PIK3CG: variants seen among roughly 807,000 people sequenced by gnomAD.
PIK3CG encodes the protein phosphatidylinositol 4,5-bisphosphate 3-kinase catalytic subunit gamma isoform.
Under a neutral mutation model 102.3 loss-of-function variants are expected in PIK3CG, and 55 were observed. The ratio of observed to expected loss-of-function variants is 0.54; its 90% confidence interval spans 0.43 to 0.67. The LOEUF (loss-of-function observed/expected upper bound fraction) is 0.67, where lower values mean the gene tolerates loss of function less well. PIK3CG is among the 30% of genes least tolerant of loss of function. PIK3CG has a pLI of 0.00. For synonymous variants in PIK3CG, 552 were observed against 540.0 expected (o/e 1.02, Z -0.31); for missense variants, 1,258 against 1,391.8 (o/e 0.90, Z 1.53).
At position 106,897,008 on chromosome 7, in the gene PIK3CG, T is replaced by C. The variant is rs996250859; in HGVS notation, c.3031-8101T>C. 2.6e-5 allele frequency among the ~76,000 whole-genome samples: 4 copies of C among 152,210 alleles called. No homozygotes were observed. The highest frequency in any genetic ancestry group is 5.9e-5 in the Non-Finnish European group (4 of 68,038). ...TTTGTCCTATAAATTTATATTCTTT[T>C]TTCTATATAAATATTTTGTGTTAAT... is the stretch of plus-strand genomic sequence containing the variant. On this transcript the variant is annotated intron_variant, in intron 10 of 10. Transcript: ENST00000496166. This position sits in a 1 kb window ranked among gnomAD's most constrained non-coding sequence, Gnocchi z 4.6.
intron 10 of PIK3CG, among the ~76,000 whole-genome samples, chr7:106,888,123 TAG>T (rs1211340468): frequency 6.6e-6 from 1 of 151,904 alleles, no homozygotes; most frequent in Non-Finnish European, 1.5e-5. Flanking sequence ...GTATTTTTAG[TAG>T]AGACAGGGTT....
In PIK3CG at chr7:106,893,355, C is replaced by G. The variant is rs766041513; in HGVS notation, c.3030+7063C>G. On this transcript the variant is annotated intron_variant, in intron 10 of 10. Transcript: ENST00000496166. The surrounding 1 kb of genome is among the most constrained non-coding windows in gnomAD (Gnocchi z 4.4). ...GTTTGAATATGTTGGTGTGATATCT[C>G]CCCCATATGCAGACTTGTGCGGCTT... Among the ~76,000 whole-genome samples, 1 of 152,092 alleles carries G rather than the reference C, an allele frequency of 6.6e-6. No homozygotes were observed. Among genetic ancestry groups the G allele is most frequent in the Non-Finnish European group, 1.5e-5 (1 of 68,012 alleles).
chr7:106,889,563 T>G (rs1291536699), intron 10 of PIK3CG, among the ~76,000 whole-genome samples: 3 of 152,238 alleles, frequency 2.0e-5, no homozygotes, highest in African/African-American at 7.2e-5. Context: ...GGTGTCCTCA[T>G]TTCCAGTGAA....
At position 106,908,412 on chromosome 7, in the gene PIK3CG, TCTCTATGG is replaced by T. The variant is rs1791745915; in HGVS notation, c.*3036_*3043del. On this transcript the variant is annotated 3_prime_UTR_variant, in exon 11 of 11. Transcript: ENST00000496166. This position sits in a 1 kb window ranked among gnomAD's most constrained non-coding sequence, Gnocchi z 4.1. ...CTTCTGTTCAAATCGAAATACCTCA[TCTCTATGG>T]CTCTATGGCTGTACATTAGGACCTA... 2.0e-5 allele frequency among the ~76,000 whole-genome samples: 3 copies of T among 152,090 alleles called. 1 individual carries two copies. The South Asian group carries it at 6.2e-4, about 32-fold the overall frequency.
In PIK3CG at chr7:106,872,959, G is replaced by A. The variant is rs2116490740; in HGVS notation, c.2287+21G>A. The A allele has an allele frequency of 6.5e-7, 1 of 1,529,892 alleles. No individual in the cohort carries two copies. Among genetic ancestry groups the A allele is most frequent in the Non-Finnish European group, 9.1e-7 (1 of 1,103,940 alleles). The allele number at this position is 1,529,892 out of a possible 1,614,324, so 94.8% of individuals were successfully genotyped here. On this transcript the variant is annotated intron_variant, in intron 4 of 10. Transcript: ENST00000496166. This position sits in a 1 kb window ranked among gnomAD's most constrained non-coding sequence, Gnocchi z 5.3. ...CCAAGGTACGGTGGCTATATTTTCT[G>A]TGTTCTCTTTCCAAATGCCTTCATC...
chr7:106,868,401 C>G lies in PIK3CG; in HGVS notation c.840C>G (p.Tyr280Ter), dbSNP rs2116439444. ...FVLRVCGRDE[Y>*]LVGETPIKNF... ...TGCGCGTCTGTGGCCGGGATGAGTA[C>G]CTGGTGGGCGAAACGCCCATCAAAA... The change falls in exon 2 of 11, where the codon TAC becomes TAG. Residue 280 changes from tyrosine (Y) to a stop codon, truncating the protein, a stop_gained. Coordinates refer to ENST00000496166, the MANE Select transcript of PIK3CG (RefSeq NM_001282426.2). LOFTEE classifies it high-confidence loss of function. The surrounding 1 kb of genome is among the most constrained non-coding windows in gnomAD (Gnocchi z 6.2). 6.2e-7 allele frequency: 1 copy of G among 1,614,254 alleles called. No individual in the cohort carries two copies. Among genetic ancestry groups the G allele is most frequent in the Non-Finnish European group, 8.5e-7 (1 of 1,180,044 alleles).
Position 106,894,432 on chromosome 7 carries a change from A to G in PIK3CG, c.3030+8140A>G, listed in dbSNP as rs2116589802. 6.6e-6 allele frequency among the ~76,000 whole-genome samples: 1 copy of G among 152,334 alleles called. No homozygotes were observed. Among genetic ancestry groups the G allele is most frequent in the South Asian group, 2.1e-4 (1 of 4,828 alleles). On this transcript the variant is annotated intron_variant, in intron 10 of 10. Coordinates refer to ENST00000496166, the MANE Select transcript of PIK3CG (RefSeq NM_001282426.2). The surrounding 1 kb of genome is among the most constrained non-coding windows in gnomAD (Gnocchi z 4.4). ...TCTGAGAATCACTTTTCAAGTACTT[A>G]CAGATAAAAATCCTAATTCAAACTC...
chr7:106,881,676 A>T (rs1319501887), intron 6 of PIK3CG, among the ~76,000 whole-genome samples: 1 of 151,948 alleles, frequency 6.6e-6, no homozygotes, highest in Non-Finnish European at 1.5e-5. Context: ...GTGAAACCCC[A>T]TCTCTACTAA....
chr7:106,901,096 G>A (rs1791538950), intron 10 of PIK3CG, among the ~76,000 whole-genome samples: 1 of 152,176 alleles, frequency 6.6e-6, no homozygotes, highest in South Asian at 2.1e-4. Context: ...TTGACTGTCA[G>A]CTTCTTTAGC....
At chr7:106,896,386 A>T (rs1791409088) in intron 10 of PIK3CG, among the ~76,000 whole-genome samples, 1 of 152,204 alleles carries the variant, frequency 6.6e-6, no homozygotes, top group African/African-American at 2.4e-5. Flanking sequence ...ACAGAAAATA[A>T]TTAAAAATCA....
At chr7:106,901,539 A>G (rs1213806321) in intron 10 of PIK3CG, among the ~76,000 whole-genome samples, 1 of 151,934 alleles carries the variant, frequency 6.6e-6, no homozygotes, top group African/African-American at 2.4e-5. Context: ...TCCTGTCCAT[A>G]TTCTGAATTC....
At chr7:106,882,273 G>T in intron 7 of PIK3CG, 66 bp downstream of exon 7, 1 of 710,444 alleles carries the variant, frequency 1.4e-6, no homozygotes, top group Non-Finnish European at 2.3e-6. Flanking sequence ...AATTCCTTCA[G>T]TGTAGACATT....
In PIK3CG at chr7:106,874,795, G is replaced by A. The variant is rs945222564; in HGVS notation, c.2383G>A (p.Ala795Thr). Residue 795 changes from alanine to threonine, a missense_variant, in exon 5 of 11, where the codon GCG becomes ACG. Around this residue, in one of 2 missense-constraint regions of PIK3CG, gnomAD observed 426 missense variants for 604.2 expected, o/e 0.71. Transcript: ENST00000496166. The surrounding 1 kb of genome is among the most constrained non-coding windows in gnomAD (Gnocchi z 4.3). ...VPYDPGLKAG[A>T]LAIEKCKVMA... ...ATATGATCCTGGACTGAAAGCAGGA[G>A]CGCTGGCAGTAGGTATCACTTGGAT... 6.2e-7 allele frequency: 1 copy of A among 1,608,192 alleles called. No homozygotes were observed. Among genetic ancestry groups the A allele is most frequent in the Non-Finnish European group, 8.5e-7 (1 of 1,174,802 alleles).
chr7:106,869,258 C>A lies in PIK3CG; in HGVS notation c.1697C>A (p.Pro566His), dbSNP rs1217690412. The change falls in exon 2 of 11, where the codon CCT becomes CAT. Residue 566 changes from proline (P) to histidine (H), a missense_variant. Physicochemically the swap from Pro to His is moderately conservative, Grantham distance 77 (BLOSUM62 -2). Coordinates refer to ENST00000496166, the MANE Select transcript of PIK3CG (RefSeq NM_001282426.2). This position sits in a 1 kb window ranked among gnomAD's most constrained non-coding sequence, Gnocchi z 5.3. ...ATCATAGCCACTGATCCACTTAACC[C>A]TCTCACAGCAGAGGACAAAGAATTG... is the stretch of plus-strand genomic sequence containing the variant. The part of the protein sequence containing the change: ...EAIIATDPLN[P>H]LTAEDKELLW... The A allele has an allele frequency of 2.5e-6, 4 of 1,614,232 alleles. No individual in the cohort carries two copies. Among genetic ancestry groups the A allele is most frequent in the Admixed American group, 1.7e-5 (1 of 60,026 alleles).
chr7:106,908,708 A>G lies in PIK3CG; in HGVS notation c.*3321A>G, dbSNP rs964465734. ...AGGTTACATATAGGAATTCTGCAGT[A>G]TAATTTGGAGGCTATTAGTGCTATA... On this transcript the variant is annotated 3_prime_UTR_variant, in exon 11 of 11. Transcript: ENST00000496166. This position sits in a 1 kb window ranked among gnomAD's most constrained non-coding sequence, Gnocchi z 4.1. Among the ~76,000 whole-genome samples the G allele has an allele frequency of 3.3e-5, 5 of 152,204 alleles. No individual in the cohort carries two copies. The highest frequency in any genetic ancestry group is 6.5e-5 in the Admixed American group (1 of 15,286).
chr7:106,874,757 G>A lies in PIK3CG; in HGVS notation c.2345G>A (p.Ser782Asn), dbSNP rs755509194. ...ENLQNSQLPESFRVPYDPGLK... is the reference protein window; with the variant it reads ...ENLQNSQLPENFRVPYDPGLK... ...CTGCAGAATTCTCAACTCCCCGAAA[G>A]CTTTAGAGTTCCATATGATCCTGGA... Residue 782 changes from serine to asparagine, a missense_variant, in exon 5 of 11, where the codon AGC becomes AAC. Physicochemically the swap from Ser to Asn is conservative, Grantham distance 46. This residue lies in a region of PIK3CG where 426 missense variants were observed against 604.2 expected (regional missense o/e 0.71). Transcript: ENST00000496166. This position sits in a 1 kb window ranked among gnomAD's most constrained non-coding sequence, Gnocchi z 4.3. 3.1e-6 allele frequency: 5 copies of A among 1,614,056 alleles called. No homozygotes were observed. In the Admixed American group the frequency reaches 6.7e-5, roughly 22 times the overall value.
rs746778370 is a variant in PIK3CG at position 106,867,855 on chromosome 7, G to T, written c.294G>T (p.Leu98=). The T allele has an allele frequency of 9.9e-6, 16 of 1,612,788 alleles. No homozygotes were observed. Among genetic ancestry groups the T allele is most frequent in the Non-Finnish European group, 1.4e-5 (16 of 1,179,988 alleles). ...GGCTGGGACCGCATCACTTCCTCCT[G>T]CTCTATCAGAAGAAGGGGCAGTGGT... is the stretch of plus-strand genomic sequence containing the variant. The part of the protein sequence containing the change: ...YHRLGPHHFL[L]LYQKKGQWYE... Residue 98 remains leucine, a synonymous_variant, in exon 2 of 11, where the codon CTG becomes CTT. Coordinates refer to ENST00000496166, the MANE Select transcript of PIK3CG (RefSeq NM_001282426.2). This position sits in a 1 kb window ranked among gnomAD's most constrained non-coding sequence, Gnocchi z 5.1.
At chr7:106,866,255 A>G (rs1341614279) in intron 1 of PIK3CG, among the ~76,000 whole-genome samples, 1 of 152,238 alleles carries the variant, frequency 6.6e-6, no homozygotes, top group Non-Finnish European at 1.5e-5. Flanking sequence ...TTTTGTTTCA[A>G]TAATTGATTC....
Position 106,882,179 on chromosome 7 carries a change from T to C in PIK3CG, c.2601T>C (p.Tyr867=). The change falls in exon 7 of 11, where the codon TAT becomes TAC. Residue 867 remains tyrosine (Y), a synonymous_variant. Coordinates refer to ENST00000496166, the MANE Select transcript of PIK3CG (RefSeq NM_001282426.2). ...CTTTGGATCTATGCCTCCTGCCATATGGTTGCATTTCAACTGGTGACAAAA... is the reference window on the plus strand; with the variant it reads ...CTTTGGATCTATGCCTCCTGCCATACGGTTGCATTTCAACTGGTGACAAAA... The part of the protein sequence containing the change: ...TESLDLCLLP[Y]GCISTGDKIG... 1.3e-6 allele frequency: 2 copies of C among 1,579,594 alleles called. No homozygotes were observed. Among genetic ancestry groups the C allele is most frequent in the East Asian group, 2.3e-5 (1 of 42,736 alleles).
Sources: allele counts gnomAD v4.1 joint callset (sites outside exome capture counted in the v4.1 genomes callset), GRCh38; gene constraint gnomAD v4.1.1; regional missense constraint gnomAD v4.1.1; non-coding constraint Gnocchi (gnomAD v3.1); transcripts MANE v1.5; gene names NCBI Gene and HGNC (gene_info 2026-07-23, HGNC 2026-07-21).